The following MIPOL1 variants were observed in gnomAD, a reference collection of about 807,000 sequenced individuals.
The protein encoded by MIPOL1 is mirror-image polydactyly 1.
Under a neutral mutation model 60.9 loss-of-function variants are expected in MIPOL1, and 57 were observed. The observed-to-expected ratio is 0.94, with a 90% CI of 0.76 to 1.17. The LOEUF (loss-of-function observed/expected upper bound fraction) is 1.17. Among genes scored for constraint, MIPOL1 ranks in the 50% most tolerant of loss-of-function variants. MIPOL1 has a pLI of 0.00. For missense variants in MIPOL1, 551 were observed against 511.6 expected, an observed-to-expected ratio of 1.08 and a Z score of -0.74; for synonymous variants, 179 against 168.8, an observed-to-expected ratio of 1.06 and a Z score of -0.47.
At chr14:37,500,377 C>G (rs1408062318) in intron 12 of MIPOL1, among the ~76,000 whole-genome samples, 1 of 152,104 alleles carries the variant, frequency 6.6e-6, no homozygotes, top group African/African-American at 2.4e-5. Context: ...AATAACTGAT[C>G]ATCAGTTCAT....
At chr14:37,344,165 T>G (rs540098150) in intron 9 of MIPOL1, among the ~76,000 whole-genome samples, 1 of 152,196 alleles carries the variant, frequency 6.6e-6, no homozygotes, top group East Asian at 1.9e-4. Context: ...AATTTTCAAA[T>G]TCCAATACCT....
chr14:37,542,341 C>T (rs1223091970), intron 12 of MIPOL1, among the ~76,000 whole-genome samples: 1 of 151,798 alleles, frequency 6.6e-6, no homozygotes, highest in Non-Finnish European at 1.5e-5. Flanking sequence ...CTCTTCCTCC[C>T]TCTCTTCTCC....
At chr14:37,387,672 C>A (rs943420869) in intron 10 of MIPOL1, among the ~76,000 whole-genome samples, 5 of 151,850 alleles carry the variant, frequency 3.3e-5, no homozygotes, top group African/African-American at 1.2e-4. Flanking sequence ...GATTCTCTAA[C>A]AAAAATGTGA....
intron 1 of MIPOL1, among the ~76,000 whole-genome samples, chr14:37,208,930 T>C (rs1720212022): frequency 6.6e-6 from 1 of 152,188 alleles, no homozygotes; most frequent in African/African-American, 2.4e-5. Context: ...TGCAAAATCA[T>C]AGTGCAGTGA....
intron 9 of MIPOL1, among the ~76,000 whole-genome samples, chr14:37,332,661 A>G (rs1404217558): frequency 6.6e-6 from 1 of 150,730 alleles, no homozygotes; most frequent in Non-Finnish European, 1.5e-5. Flanking sequence ...ATAAATTTAC[A>G]TCATCTGATT....
At chr14:37,365,093 T>G (rs1366965568) in intron 9 of MIPOL1, among the ~76,000 whole-genome samples, 1 of 152,172 alleles carries the variant, frequency 6.6e-6, no homozygotes, top group African/African-American at 2.4e-5. Flanking sequence ...TTCTAACAGT[T>G]TTTTTGTGTG....
At chr14:37,491,404 C>T (rs2095046052) in intron 11 of MIPOL1, among the ~76,000 whole-genome samples, 1 of 152,116 alleles carries the variant, frequency 6.6e-6, no homozygotes, top group Non-Finnish European at 1.5e-5. Flanking sequence ...TGGCATGTGC[C>T]TGTAGTCTCA....
At chr14:37,498,166 G>T (rs1015784893) in intron 11 of MIPOL1, among the ~76,000 whole-genome samples, 2 of 152,128 alleles carry the variant, frequency 1.3e-5, no homozygotes, top group Non-Finnish European at 2.9e-5. Context: ...TTTGATAAAG[G>T]TTGGATTAGT....
chr14:37,290,140 A>C (rs570669485), intron 7 of MIPOL1, among the ~76,000 whole-genome samples: 1 of 152,138 alleles, frequency 6.6e-6, no homozygotes, highest in East Asian at 1.9e-4. Context: ...AAACATTGTA[A>C]AAATGTTACT....
chr14:37,223,996 G>T (rs941708962), intron 1 of MIPOL1, among the ~76,000 whole-genome samples: 2 of 152,162 alleles, frequency 1.3e-5, no homozygotes, highest in African/African-American at 2.4e-5. Flanking sequence ...TTACTAGGTT[G>T]TGAAATCTAG....
rs528745209 is a variant in MIPOL1, at chr14:37,201,773, A to G, written c.-199+3669A>G. The stretch of plus-strand genomic sequence containing the variant: ...GTATTGCCCAAAATTTTACTTTAAT[A>G]CCATTCAGCCCACCATCCATGTTAA... On this transcript the variant is annotated intron_variant, in intron 1 of 12. Coordinates refer to ENST00000684589, the MANE Select transcript of MIPOL1 (RefSeq NM_001388067.1). Among the ~76,000 whole-genome samples the G allele has an allele frequency of 3.9e-5, 6 of 152,214 alleles. No individual in the cohort carries two copies. The South Asian group carries it at 1.2e-3, about 32-fold the overall frequency.
intron 9 of MIPOL1, among the ~76,000 whole-genome samples, chr14:37,329,393 T>C (rs2089481218): frequency 1.3e-5 from 2 of 152,180 alleles, no homozygotes; most frequent in South Asian, 4.1e-4. Flanking sequence ...GTTATCATAC[T>C]TACATGTTCA....
intron 11 of MIPOL1, among the ~76,000 whole-genome samples, chr14:37,474,750 A>G (rs568125853): frequency 7.2e-5 from 11 of 152,316 alleles, no homozygotes; most frequent in African/African-American, 1.9e-4. Flanking sequence ...CATCCCCACC[A>G]GCAATGAATG....
intron 1 of MIPOL1, among the ~76,000 whole-genome samples, chr14:37,201,102 G>A (rs1303753961): frequency 6.6e-6 from 1 of 151,450 alleles, no homozygotes; most frequent in African/African-American, 2.4e-5. Flanking sequence ...ATGGGGTTTT[G>A]CCATGTTGCC....
At chr14:37,486,666 C>T (rs992538788) in intron 11 of MIPOL1, among the ~76,000 whole-genome samples, 1 of 152,104 alleles carries the variant, frequency 6.6e-6, no homozygotes, top group Admixed American at 6.6e-5. Context: ...GTGATTTTTG[C>T]TCATTGATTT....
intron 7 of MIPOL1, among the ~76,000 whole-genome samples, chr14:37,302,262 G>GTTTTTTTTTTTTTTTT (rs57468146): frequency 1.5e-4 from 14 of 95,036 alleles, no homozygotes; most frequent in South Asian, 4.0e-4. Flanking sequence ...TGGAACTGTT[G>GTTTTTTTTTTTTTTTT]TTTTTTTTTT....
chr14:37,277,150 G>C (rs1159502802), intron 6 of MIPOL1: 1 of 151,058 alleles, frequency 6.6e-6, no homozygotes, highest in African/African-American at 2.4e-5. Context: ...ATAATGTCAA[G>C]CCTTTGAAAA....
At position 37,310,976 on chromosome 14, in the gene MIPOL1, C is replaced by T. The variant is rs2087266529; in HGVS notation, c.828+2457C>T. 2.0e-5 allele frequency among the ~76,000 whole-genome samples: 3 copies of T among 152,136 alleles called. No homozygotes were observed. The South Asian group carries it at 6.2e-4, about 32-fold the overall frequency. On this transcript the variant is annotated intron_variant, in intron 9 of 12. Coordinates refer to ENST00000684589, the MANE Select transcript of MIPOL1 (RefSeq NM_001388067.1). ...AAATCTCCATTTTGTCACTTCAGCC[C>T]TGAATAGCTGTCAAAAGCTTGGGTG...
intron 11 of MIPOL1, among the ~76,000 whole-genome samples, chr14:37,490,421 T>C (rs138188855): frequency 6.6e-6 from 1 of 152,280 alleles, no homozygotes; most frequent in African/African-American, 2.4e-5. Context: ...CCAGACCACT[T>C]GGCTCCCTGG....
Sources: allele counts gnomAD v4.1 joint callset (sites outside exome capture counted in the v4.1 genomes callset), GRCh38; gene constraint gnomAD v4.1.1; transcripts MANE v1.5; gene names NCBI Gene and HGNC (gene_info 2026-07-23, HGNC 2026-07-21).